The following NPAS3 variants were observed in gnomAD, a reference collection of about 807,000 sequenced individuals.
The protein encoded by NPAS3 is neuronal PAS domain-containing protein 3.
A neutral mutation model predicts 73.1 loss-of-function variants in NPAS3; 14 were observed. That is an observed-to-expected ratio of 0.19 (90% confidence interval 0.13 to 0.30). NPAS3 has a LOEUF of 0.30. Among genes scored for constraint, NPAS3 ranks in the 10% least tolerant of loss-of-function variants. The probability of loss-of-function intolerance (pLI) is 1.00; values close to 1 mark genes in which losing one functional copy is unlikely to be tolerated. For synonymous variants in NPAS3, 620 were observed against 541.5 expected (o/e 1.14, Z -2.01); for missense variants, 1,096 against 1,250.0 (o/e 0.88, Z 1.86).
intron 4 of NPAS3, among the ~76,000 whole-genome samples, chr14:33,465,566 C>A (rs77587018): frequency 6.6e-6 from 1 of 152,078 alleles, no homozygotes; most frequent in Non-Finnish European, 1.5e-5. Context: ...TTAATTCTCA[C>A]GTAAAAATCT....
intron 6 of NPAS3, among the ~76,000 whole-genome samples, chr14:33,727,805 G>A (rs1006317868): frequency 3.9e-5 from 6 of 152,076 alleles, no homozygotes; most frequent in Non-Finnish European, 8.8e-5. Context: ...ATCGCAGGAG[G>A]ACATGCTATA....
At chr14:33,620,215 CTT>C (rs1359042885) in intron 5 of NPAS3, among the ~76,000 whole-genome samples, 3 of 152,148 alleles carry the variant, frequency 2.0e-5, no homozygotes, top group Non-Finnish European at 2.9e-5. Context: ...TGTTGTAAAT[CTT>C]TTGACACAGA....
At chr14:33,588,145 C>A (rs573642917) in intron 5 of NPAS3, among the ~76,000 whole-genome samples, 1 of 152,298 alleles carries the variant, frequency 6.6e-6, no homozygotes, top group Non-Finnish European at 1.5e-5. Context: ...AATTATGAAG[C>A]CGCCGTCAAA....
intron 6 of NPAS3, among the ~76,000 whole-genome samples, chr14:33,722,455 C>T (rs183629765): frequency 1.1e-4 from 17 of 152,226 alleles, no homozygotes; most frequent in African/African-American, 3.6e-4. Flanking sequence ...GAAGATTATT[C>T]ATAACCTTGA....
intron 1 of NPAS3, among the ~76,000 whole-genome samples, chr14:33,055,406 G>A (rs942349651): frequency 3.3e-5 from 5 of 152,192 alleles, no homozygotes; most frequent in Non-Finnish European, 7.4e-5. Flanking sequence ...AAGCTGAATC[G>A]CATTCCTTTA....
chr14:33,600,972 A>T (rs762121376), intron 5 of NPAS3, among the ~76,000 whole-genome samples: 61 of 151,288 alleles, frequency 4.0e-4, no homozygotes, highest in Non-Finnish European at 3.0e-4. Context: ...GTAAGCAGAC[A>T]TTTTTTTTTC....
At chr14:33,022,667 A>C (rs1335958635) in intron 1 of NPAS3, among the ~76,000 whole-genome samples, 8 of 47,108 alleles carry the variant, frequency 1.7e-4, no homozygotes, top group African/African-American at 1.6e-3. Flanking sequence ...TCCGTCCCAA[A>C]AAAAAAAAAA....
intron 2 of NPAS3, among the ~76,000 whole-genome samples, chr14:33,098,312 G>T (rs1231489349): frequency 6.6e-6 from 1 of 152,022 alleles, no homozygotes; most frequent in East Asian, 1.9e-4. Flanking sequence ...GTATTTTATA[G>T]AATTTTTTTC....
At chr14:33,197,748 T>G (rs1454544710) in intron 2 of NPAS3, among the ~76,000 whole-genome samples, 1 of 152,226 alleles carries the variant, frequency 6.6e-6, no homozygotes, top group Non-Finnish European at 1.5e-5. Flanking sequence ...ACATTTCACC[T>G]TAAGTGATTT....
At position 33,349,672 on chromosome 14, in the gene NPAS3, CTTTG is replaced by C. The variant is rs781021795; in HGVS notation, c.386-17511_386-17508del. Among the ~76,000 whole-genome samples, 14 of 152,256 alleles carry C rather than the reference CTTTG, an allele frequency of 9.2e-5. No individual in the cohort carries two copies. In the East Asian group the frequency reaches 2.5e-3, roughly 27 times the overall value. On this transcript the variant is annotated intron_variant, in intron 3 of 11. Transcript: ENST00000356141. ...TCCTTTTTTGTCATTTGATAGTCCA[CTTTG>C]TTAGTTAGGAAACCAAATCATTTTG...
intron 3 of NPAS3, among the ~76,000 whole-genome samples, chr14:33,304,970 T>C (rs1193210336): frequency 1.3e-5 from 2 of 152,166 alleles, no homozygotes; most frequent in East Asian, 3.9e-4. Flanking sequence ...ATTACATATA[T>C]AGTTATCTAT....
chr14:32,997,397 G>C (rs2152405), intron 1 of NPAS3, among the ~76,000 whole-genome samples: 20,664 of 152,012 alleles, frequency 0.14, 1,403 homozygotes, highest in East Asian at 0.16. Flanking sequence ...TGTGAAGATA[G>C]GAGATTTGGG....
intron 6 of NPAS3, among the ~76,000 whole-genome samples, chr14:33,730,654 G>A (rs769811363): frequency 1.2e-4 from 19 of 152,124 alleles, no homozygotes; most frequent in East Asian, 3.9e-4. Context: ...GTGTGGCTGA[G>A]GAAGTGCAGT....
chr14:33,324,088 G>A (rs2043581077), intron 3 of NPAS3, among the ~76,000 whole-genome samples: 1 of 152,200 alleles, frequency 6.6e-6, no homozygotes, highest in African/African-American at 2.4e-5. Context: ...GTGACCGCAG[G>A]CACCTGAGTG....
chr14:33,535,929 A>G (rs2140210694), intron 4 of NPAS3, among the ~76,000 whole-genome samples: 1 of 152,302 alleles, frequency 6.6e-6, no homozygotes, highest in Non-Finnish European at 1.5e-5. Flanking sequence ...TCTGTGACTG[A>G]GAGTGCTATA....
chr14:33,658,805 C>T (rs899988718), intron 5 of NPAS3, among the ~76,000 whole-genome samples: 5 of 152,156 alleles, frequency 3.3e-5, no homozygotes, highest in Admixed American at 3.3e-4. Flanking sequence ...TCATCCCCCA[C>T]TAATAGTGTA....
At chr14:33,352,343 C>A (rs572995977) in intron 3 of NPAS3, among the ~76,000 whole-genome samples, 1 of 152,168 alleles carries the variant, frequency 6.6e-6, no homozygotes, top group Non-Finnish European at 1.5e-5. Context: ...TAATCTTCGT[C>A]GTCAAAAGCA....
Position 33,148,353 on chromosome 14 carries a change from T to C in NPAS3, c.141-66829T>C, listed in dbSNP as rs80219372. ...CATAGTCATTCATATTATATATTTA[T>C]TATAAGCCAACATTACAAACTGTTT... On this transcript the variant is annotated intron_variant, in intron 2 of 11. Coordinates refer to ENST00000356141, the Ensembl canonical transcript of NPAS3. Among the ~76,000 whole-genome samples the C allele has an allele frequency of 8.8e-3, 1,341 of 152,264 alleles. 15 individuals are homozygous for C. The highest frequency in any genetic ancestry group is 0.03 in the African/African-American group (1,265 of 41,550).
chr14:33,776,507 G>A (rs555701392), intron 8 of NPAS3, among the ~76,000 whole-genome samples: 7 of 94,468 alleles, frequency 7.4e-5, no homozygotes, highest in Non-Finnish European at 9.5e-5. Flanking sequence ...TGCTTTTGGC[G>A]TTTTTCTTCC....
Sources: allele counts gnomAD v4.1 joint callset (sites outside exome capture counted in the v4.1 genomes callset), GRCh38; gene constraint gnomAD v4.1.1; transcripts MANE v1.5; gene names NCBI Gene and HGNC (gene_info 2026-07-23, HGNC 2026-07-21).